Variants in QKI observed in about 807,000 individuals in gnomAD.
QKI encodes the protein KH domain-containing RNA-binding protein QKI.
QKI carries 10 observed loss-of-function variants against 39.0 expected under a neutral mutation model. The observed-to-expected ratio is 0.26, with a 90% CI of 0.16 to 0.43. The LOEUF (loss-of-function observed/expected upper bound fraction) is 0.43, where lower values mean the gene tolerates loss of function less well. QKI is among the 20% of genes least tolerant of loss of function. QKI has a pLI of 1.00. For synonymous variants in QKI, 204 were observed against 155.4 expected (o/e 1.31, Z -2.33); for missense variants, 218 against 428.0 (o/e 0.51, Z 4.33).
chr6:163,555,468 G>T (rs987796140), intron 4 of QKI, among the ~76,000 whole-genome samples: 3 of 123,954 alleles, frequency 2.4e-5, no homozygotes, highest in African/African-American at 9.2e-5. Context: ...CCAAGATCAC[G>T]CCACAGCACT....
Position 163,441,897 on chromosome 6 carries a change from T to A in QKI, c.143-13382T>A, listed in dbSNP as rs1040330509. Among the ~76,000 whole-genome samples the A allele has an allele frequency of 2.4e-4, 36 of 152,290 alleles. 1 individual carries two copies. Among genetic ancestry groups the A allele is most frequent in the African/African-American group, 8.7e-4 (36 of 41,558 alleles). ...AAAAAAGGTGAGGGCAAGGGGAGCC[T>A]GTGTGGATGCTGTAGGCTATTGTTT... On this transcript the variant is annotated intron_variant, in intron 1 of 7. Transcript: ENST00000361752.
chr6:163,484,327 G>A (rs937443893), intron 3 of QKI, among the ~76,000 whole-genome samples: 2 of 151,916 alleles, frequency 1.3e-5, no homozygotes, highest in African/African-American at 4.8e-5. Flanking sequence ...AGCCTGCTGA[G>A]TAGCTGGGGT....
At chr6:163,494,900 C>T (rs1314763627) in intron 3 of QKI, among the ~76,000 whole-genome samples, 1 of 150,106 alleles carries the variant, frequency 6.7e-6, no homozygotes, top group Non-Finnish European at 1.5e-5. Flanking sequence ...CATAAGGTGT[C>T]TTTTTTTATT....
At chr6:163,508,860 C>T (rs937567341) in intron 3 of QKI, among the ~76,000 whole-genome samples, 29 of 151,626 alleles carry the variant, frequency 1.9e-4, no homozygotes, top group South Asian at 4.2e-4. Context: ...TTTTACTGGC[C>T]GGGCACGGTG....
chr6:163,467,706 A>G (rs954081743), intron 2 of QKI, among the ~76,000 whole-genome samples: 3 of 152,194 alleles, frequency 2.0e-5, no homozygotes, highest in African/African-American at 7.2e-5. Context: ...TTATTAATTT[A>G]TAAGAATTAA....
chr6:163,471,035 C>A (rs1377422681), intron 2 of QKI, among the ~76,000 whole-genome samples: 2 of 152,176 alleles, frequency 1.3e-5, no homozygotes, highest in East Asian at 1.9e-4. Flanking sequence ...TTGTGGTTTT[C>A]TTTATATTTA....
chr6:163,545,821 G>A (rs1166118252), intron 4 of QKI, among the ~76,000 whole-genome samples: 1 of 151,598 alleles, frequency 6.6e-6, no homozygotes, highest in East Asian at 1.9e-4. Context: ...TAGAATAATA[G>A]GGCCTAGGAT....
At chr6:163,513,120 A>G (rs1779586347) in intron 3 of QKI, among the ~76,000 whole-genome samples, 1 of 152,128 alleles carries the variant, frequency 6.6e-6, no homozygotes, top group African/African-American at 2.4e-5. Context: ...AATCTTTATC[A>G]TAGGCATGTG....
intron 4 of QKI, among the ~76,000 whole-genome samples, chr6:163,539,583 A>T (rs1028000135): frequency 6.6e-6 from 1 of 152,170 alleles, no homozygotes; most frequent in Non-Finnish European, 1.5e-5. Flanking sequence ...AGGCAGCGGC[A>T]GAATGTCCAG....
At chr6:163,513,387 A>C (rs745834064) in intron 3 of QKI, among the ~76,000 whole-genome samples, 2 of 152,178 alleles carry the variant, frequency 1.3e-5, no homozygotes, top group African/African-American at 4.8e-5. Context: ...AAAATACACA[A>C]AACAAAAAAG....
intron 1 of QKI, among the ~76,000 whole-genome samples, chr6:163,433,058 G>A (rs1446692994): frequency 6.6e-6 from 1 of 152,130 alleles, no homozygotes; most frequent in Non-Finnish European, 1.5e-5. Context: ...TTAGGTTATA[G>A]GAAAATTGAT....
At chr6:163,489,446 G>GTGTGTGT (rs1777913961) in intron 3 of QKI, among the ~76,000 whole-genome samples, 1 of 148,504 alleles carries the variant, frequency 6.7e-6, no homozygotes, top group African/African-American at 2.5e-5. Context: ...GTGTGTGTGT[G>GTGTGTGT]TGTGTGTGTG....
At chr6:163,505,944 G>T (rs1779066700) in intron 3 of QKI, among the ~76,000 whole-genome samples, 1 of 152,104 alleles carries the variant, frequency 6.6e-6, no homozygotes, top group South Asian at 2.1e-4. Flanking sequence ...TGTTGAGGGA[G>T]GGACCTGGTG....
At chr6:163,533,699 A>G (rs764632878) in intron 3 of QKI, among the ~76,000 whole-genome samples, 2 of 152,214 alleles carry the variant, frequency 1.3e-5, no homozygotes, top group African/African-American at 2.4e-5. Context: ...TGTCGGACAG[A>G]TGGTACCCCT....
Position 163,415,046 on chromosome 6 carries a change from G to C in QKI, c.-148G>C. 1 of 831,588 alleles carries C rather than the reference G, an allele frequency of 1.2e-6. No individual in the cohort carries two copies. The highest frequency in any genetic ancestry group is 1.4e-6 in the Non-Finnish European group (1 of 692,900). 51.5% of individuals were successfully genotyped at this position (831,588 alleles called of 1,614,324 possible). ...GAGCGCGCGGTGCCGGCCGCCCCGG[G>C]GCTCGGCGCGGGAGCCAGAGCGGGA... On this transcript the variant is annotated 5_prime_UTR_variant, in exon 1 of 8. Transcript: ENST00000361752.
At chr6:163,422,997 A>G (rs1235696516) in intron 1 of QKI, 3 of 152,240 alleles carry the variant, frequency 2.0e-5, no homozygotes, top group Non-Finnish European at 4.4e-5. Flanking sequence ...CAAACATGCA[A>G]TTTTAAAATT....
Position 163,566,701 on chromosome 6 carries a change from G to C in QKI, c.935-20G>C. The C allele has an allele frequency of 6.8e-6, 11 of 1,612,528 alleles. No individual in the cohort carries two copies. Among genetic ancestry groups the C allele is most frequent in the Non-Finnish European group, 8.5e-6 (10 of 1,179,310 alleles). On this transcript the variant is annotated intron_variant, in intron 6 of 7. Transcript: ENST00000361752. ...TGTGAATGTTTTCTAACTTTGTCTT[G>C]GTAATTGCAATTTAACTAGGTGCGG...
rs1783994415 is a variant in QKI at position 163,576,718 on chromosome 6, C to G, written c.*6008C>G. On this transcript the variant is annotated 3_prime_UTR_variant, in exon 8 of 8. Coordinates refer to ENST00000361752, the MANE Select transcript of QKI (RefSeq NM_006775.3). ...TCAAGCCAACTGCAGCTGGAAAGTG[C>G]TGCTTATCCTCCACCCCCAGAAAAT... The G allele has an allele frequency of 1.3e-5, 2 of 152,102 alleles. No individual in the cohort carries two copies. The highest frequency in any genetic ancestry group is 1.3e-4 in the Admixed American group (2 of 15,268). 9.4% of individuals were successfully genotyped at this position (152,102 alleles called of 1,614,324 possible).
chr6:163,443,402 C>G (rs945538199), intron 1 of QKI, among the ~76,000 whole-genome samples: 5 of 152,214 alleles, frequency 3.3e-5, no homozygotes, highest in Admixed American at 2.0e-4. Context: ...AATGCTGTCT[C>G]TGCTAAAAAT....
Sources: gnomAD v4.1 joint callset for allele counts (sites outside exome capture counted in the v4.1 genomes callset) on GRCh38, gnomAD v4.1.1 for gene constraint, MANE v1.5 for transcripts, NCBI Gene and HGNC (gene_info 2026-07-23, HGNC 2026-07-21) for gene names.